The following TRDMT1 variants were observed in gnomAD, a reference collection of about 807,000 sequenced individuals.
TRDMT1 encodes the protein tRNA aspartic acid methyltransferase 1.
TRDMT1 carries 49 observed loss-of-function variants against 51.2 expected under a neutral mutation model. That is an observed-to-expected ratio of 0.96 (90% CI 0.76 to 1.21). The LOEUF (loss-of-function observed/expected upper bound fraction) is 1.21, where lower values mean the gene tolerates loss of function less well. Ranked by LOEUF, TRDMT1 falls within the 50% of genes most tolerant of loss-of-function variation. TRDMT1 has a pLI of 0.00. For synonymous variants in TRDMT1, 187 were observed against 164.6 expected (o/e 1.14, Z -1.04); for missense variants, 534 against 462.3 (o/e 1.16, Z -1.42).
At position 17,153,608 on chromosome 10, in the gene TRDMT1, T is replaced by C. The variant is rs752636078; in HGVS notation, c.974A>G (p.Asn325Ser). Residue 325 changes from asparagine to serine, a missense_variant, in exon 10 of 11, where the codon AAT becomes AGT. Physicochemically the swap from Asn to Ser is conservative, Grantham distance 46. Coordinates refer to ENST00000377799, the MANE Select transcript of TRDMT1 (RefSeq NM_004412.7). Reference protein sequence around the residue: ...QVENIYKSLTNLSQEEQITKL... With the variant: ...QVENIYKSLTSLSQEEQITKL... Reference sequence around the variant, plus strand: ...TGTTATCTGTTCTTCTTGTGACAAATTGGTAAGGGATTTGTAGATATTCTC... The same window carrying C: ...TGTTATCTGTTCTTCTTGTGACAAACTGGTAAGGGATTTGTAGATATTCTC... The C allele has an allele frequency of 7.5e-6, 12 of 1,602,078 alleles. No homozygotes were observed. The highest frequency in any genetic ancestry group is 2.2e-5 in the East Asian group (1 of 44,736).
intron 1 of TRDMT1, among the ~76,000 whole-genome samples, chr10:17,192,614 G>C (rs1844843132): frequency 1.3e-5 from 2 of 152,254 alleles, no homozygotes; most frequent in Admixed American, 1.3e-4. Flanking sequence ...GGGTGGGCGA[G>C]GGGCAGGAGC....
intron 10 of TRDMT1, chr10:17,150,806 T>G: frequency 3.0e-6 from 3 of 984,386 alleles, no homozygotes; most frequent in Non-Finnish European, 3.6e-6. Flanking sequence ...GTTTCTATTC[T>G]AAAGATAATA....
At chr10:17,150,883 T>C (rs1838606680) in intron 10 of TRDMT1, 1 of 985,412 alleles carries the variant, frequency 1.0e-6, no homozygotes. Flanking sequence ...CAAATGTACC[T>C]ACAAACAGGC....
chr10:17,151,015 G>C, intron 10 of TRDMT1: 11 of 978,520 alleles, frequency 1.1e-5, no homozygotes, highest in Non-Finnish European at 1.3e-5. Context: ...GCATGTGTGT[G>C]TGTGTGCGTG....
chr10:17,184,936 ATTTC>A (rs1843696570), intron 1 of TRDMT1, among the ~76,000 whole-genome samples: 3 of 152,076 alleles, frequency 2.0e-5, no homozygotes, highest in South Asian at 2.1e-4. Flanking sequence ...CTGTTTGTGT[ATTTC>A]TTTCTCTCTT....
In TRDMT1 at chr10:17,201,580, C is replaced by A. The variant is rs1371189756; in HGVS notation, c.55G>T (p.Ala19Ser). The A allele has an allele frequency of 6.5e-7, 1 of 1,549,676 alleles. No individual in the cohort carries two copies. Among genetic ancestry groups the A allele is most frequent in the Admixed American group, 2.0e-5 (1 of 50,862 alleles). Residue 19 changes from alanine to serine, a missense_variant, in exon 1 of 11, where the codon GCG becomes TCG. Coordinates refer to ENST00000377799, the MANE Select transcript of TRDMT1 (RefSeq NM_004412.7). The part of the protein sequence containing the change: ...LYSGVGGMHH[A>S]LRESCIPAQV... Reference sequence around the variant, plus strand: ...CTAGATGGACTCTCACCTCTCAGCGCGTGGTGCATGCCGCCCACGCCGCTG... The same window carrying A: ...CTAGATGGACTCTCACCTCTCAGCGAGTGGTGCATGCCGCCCACGCCGCTG...
At chr10:17,169,275 T>C in intron 2 of TRDMT1, 1 of 1,064,104 alleles carries the variant, frequency 9.4e-7, no homozygotes, top group Non-Finnish European at 1.2e-6. Flanking sequence ...ATAACGTTCA[T>C]GGAGATGGGG....
Position 17,193,829 on chromosome 10 carries a change from C to A in TRDMT1, c.64+7742G>T, listed in dbSNP as rs577827659. Among the ~76,000 whole-genome samples the A allele has an allele frequency of 6.6e-5, 10 of 152,234 alleles. 1 individual carries two copies. The South Asian group carries it at 2.1e-3, about 32-fold the overall frequency. ...AAACTATTCTAAAACTCATATGGAA[C>A]CATATAAAAGCCTGAATAGCCAAAG... On this transcript the variant is annotated intron_variant, in intron 1 of 10. Transcript: ENST00000377799.
intron 1 of TRDMT1, among the ~76,000 whole-genome samples, chr10:17,181,509 A>G (rs1235206099): frequency 6.6e-6 from 1 of 152,216 alleles, no homozygotes; most frequent in Non-Finnish European, 1.5e-5. Context: ...TACATACAAG[A>G]GAATAAGTGA....
At position 17,148,693 on chromosome 10, in the gene TRDMT1, G is replaced by A. The variant is rs1838325090; in HGVS notation, c.*347C>T. 5.1e-6 allele frequency: 5 copies of A among 982,576 alleles called. No homozygotes were observed. The highest frequency in any genetic ancestry group is 6.0e-6 in the Non-Finnish European group (5 of 826,546). The allele number at this position is 982,576 out of a possible 1,614,324, so 60.9% of individuals were successfully genotyped here. On this transcript the variant is annotated 3_prime_UTR_variant, in exon 11 of 11. Coordinates refer to ENST00000377799, the MANE Select transcript of TRDMT1 (RefSeq NM_004412.7). ...TTTAATTAACATAAAAATATGTTATGCCTGTTATGACACTTCACAAGATAC... is the reference window on the plus strand; with the variant it reads ...TTTAATTAACATAAAAATATGTTATACCTGTTATGACACTTCACAAGATAC...
chr10:17,183,066 T>C (rs1407504546), intron 1 of TRDMT1, among the ~76,000 whole-genome samples: 1 of 152,230 alleles, frequency 6.6e-6, no homozygotes, highest in Non-Finnish European at 1.5e-5. Flanking sequence ...TTATACTACA[T>C]CTGGAAATGT....
rs1838081396 is a variant in TRDMT1 at position 17,146,058 on chromosome 10, A to G, written c.*2982T>C. ...CCTGCACTCATCTCTAACCCCATCC[A>G]ATTTTACATCCCACATGGTAGCAAT... On this transcript the variant is annotated 3_prime_UTR_variant, in exon 11 of 11. Coordinates refer to ENST00000377799, the MANE Select transcript of TRDMT1 (RefSeq NM_004412.7). 1 of 985,274 alleles carries G rather than the reference A, an allele frequency of 1.0e-6. No homozygotes were observed. Among genetic ancestry groups the G allele is most frequent in the South Asian group, 4.7e-5 (1 of 21,294 alleles). The allele number at this position is 985,274 out of a possible 1,614,324, so 61.0% of individuals were successfully genotyped here.
Position 17,147,372 on chromosome 10 carries a change from G to T in TRDMT1, c.*1668C>A. ...TGAGTTCTGAAAAATTGGTAATAGA[G>T]TATGATTTTTTCAATTGCAGTAAAA... On this transcript the variant is annotated 3_prime_UTR_variant, in exon 11 of 11. Transcript: ENST00000377799. 1.0e-6 allele frequency: 1 copy of T among 982,500 alleles called. No homozygotes were observed. Among genetic ancestry groups the T allele is most frequent in the Non-Finnish European group, 1.2e-6 (1 of 827,308 alleles). The allele number at this position is 982,500 out of a possible 1,614,324, so 60.9% of individuals were successfully genotyped here.
At position 17,174,539 on chromosome 10, in the gene TRDMT1, A is replaced by C; in HGVS notation, c.174+12T>G. 1 of 1,554,108 alleles carries C rather than the reference A, an allele frequency of 6.4e-7. No individual in the cohort carries two copies. The highest frequency in any genetic ancestry group is 8.9e-7 in the Non-Finnish European group (1 of 1,125,828). On this transcript the variant is annotated intron_variant, in intron 2 of 10. Coordinates refer to ENST00000377799, the MANE Select transcript of TRDMT1 (RefSeq NM_004412.7). Reference sequence around the variant, plus strand: ...TTGCTACATACTTATTAAAACAATGACAATTACTCACTTCAATCGTCTTGG... The same window carrying C: ...TTGCTACATACTTATTAAAACAATGCCAATTACTCACTTCAATCGTCTTGG...
intron 3 of TRDMT1, 87 bp from the exon 4 acceptor site, chr10:17,162,324 G>C (rs1840502594): frequency 3.2e-6 from 4 of 1,250,882 alleles, no homozygotes; most frequent in Non-Finnish European, 3.4e-6. Flanking sequence ...CACTTTTTAA[G>C]TCAAAAGGAG....
chr10:17,201,558 G>C lies in TRDMT1; in HGVS notation c.64+13C>G. On this transcript the variant is annotated intron_variant, in intron 1 of 10. Transcript: ENST00000377799. ...TGAGCGAATAGAGAGAGGGGTGCTA[G>C]ATGGACTCTCACCTCTCAGCGCGTG... 1.3e-6 allele frequency: 2 copies of C among 1,549,338 alleles called. No homozygotes were observed. Among genetic ancestry groups the C allele is most frequent in the Non-Finnish European group, 8.7e-7 (1 of 1,145,936 alleles).
intron 1 of TRDMT1, 37 bp downstream of exon 1, chr10:17,201,534 G>A: frequency 3.2e-6 from 5 of 1,539,002 alleles, no homozygotes; most frequent in South Asian, 1.2e-5. Context: ...CAGCCCCCGT[G>A]AGCGAATAGA....
chr10:17,170,298 C>A (rs1841789006), intron 2 of TRDMT1, among the ~76,000 whole-genome samples: 1 of 151,984 alleles, frequency 6.6e-6, no homozygotes, highest in Non-Finnish European at 1.5e-5. Flanking sequence ...ACCTGGTATT[C>A]TAGGTCAATG....
At chr10:17,186,311 T>C (rs1843916750) in intron 1 of TRDMT1, among the ~76,000 whole-genome samples, 1 of 152,154 alleles carries the variant, frequency 6.6e-6, no homozygotes, top group Non-Finnish European at 1.5e-5. Context: ...ATTTTGAAGA[T>C]GTGATTAAAC....
Sources: allele counts gnomAD v4.1 joint callset (sites outside exome capture counted in the v4.1 genomes callset), GRCh38; gene constraint gnomAD v4.1.1; transcripts MANE v1.5; gene names NCBI Gene and HGNC (gene_info 2026-07-23, HGNC 2026-07-21).